CAST: variants seen among roughly 807,000 people sequenced by gnomAD.
The protein encoded by CAST is MIR583 host.
Under a neutral mutation model 119.6 loss-of-function variants are expected in CAST, and 76 were observed. The ratio of observed to expected loss-of-function variants is 0.64; its 90% CI spans 0.53 to 0.77. CAST has a LOEUF of 0.77. CAST is among the 30% of genes least tolerant of loss of function. The pLI, the probability that CAST is intolerant of heterozygous loss-of-function variation, is 0.00. For synonymous variants in CAST, 319 were observed against 331.6 expected (o/e 0.96, Z 0.41); for missense variants, 953 against 946.5 (o/e 1.01, Z -0.09).
At position 96,559,569 on chromosome 5, in the gene CAST, CAGAG is replaced by C. The variant is rs766934506; in HGVS notation, c.60+29692_60+29695del. 5.3e-5 allele frequency among the ~76,000 whole-genome samples: 8 copies of C among 152,236 alleles called. No homozygotes were observed. The East Asian group carries it at 9.7e-4, about 18-fold the overall frequency. ...AGCATTCTTATACACCAATAACAAA[CAGAG>C]AGCAAAATCATGAGTGAACTCCCAT... On this transcript the variant is annotated intron_variant, in intron 1 of 11. Coordinates refer to the CAST transcript ENST00000505143.
chr5:96,509,180 G>A, the CAST span, among the ~76,000 whole-genome samples: 1 of 152,180 alleles, frequency 6.6e-6, no homozygotes, highest in African/African-American at 2.4e-5. Flanking sequence ...TCGTGCAAAA[G>A]AGAAACAGCA....
the CAST span, among the ~76,000 whole-genome samples, chr5:96,058,076 G>A: frequency 2.0e-5 from 3 of 152,026 alleles, no homozygotes; most frequent in Non-Finnish European, 4.4e-5. Flanking sequence ...GTGTTGTAGA[G>A]GTATGTGTGT....
At chr5:96,322,657 A>C in the CAST span, among the ~76,000 whole-genome samples, 173 of 152,286 alleles carry the variant, frequency 1.1e-3, no homozygotes, top group Admixed American at 2.2e-3. Context: ...GGCCCAGAGG[A>C]GAACAAGGGG....
chr5:96,600,080 C>T (rs1482330390), intron 1 of CAST, among the ~76,000 whole-genome samples: 1 of 151,346 alleles, frequency 6.6e-6, no homozygotes, highest in Non-Finnish European at 1.5e-5. Flanking sequence ...GGGAAGTGTA[C>T]TGGTAGTGGT....
At chr5:96,130,295 C>T in the CAST span, among the ~76,000 whole-genome samples, 4,235 of 151,884 alleles carry the variant, frequency 0.028, 181 homozygotes, top group African/African-American at 0.096. Flanking sequence ...TACGGATATT[C>T]TACAAAATAC....
chr5:96,268,577 C>A, the CAST span, among the ~76,000 whole-genome samples: 1 of 152,184 alleles, frequency 6.6e-6, no homozygotes, highest in African/African-American at 2.4e-5. Context: ...GCCTGGGCAA[C>A]AGAGCAAGAT....
At chr5:96,397,329 C>A in the CAST span, 2 of 1,612,468 alleles carry the variant, frequency 1.2e-6, no homozygotes, top group Non-Finnish European at 1.7e-6. Flanking sequence ...CTCTCATTCA[C>A]ACTTACCATG....
chr5:96,035,803 A>C, the CAST span, among the ~76,000 whole-genome samples: 1 of 151,548 alleles, frequency 6.6e-6, no homozygotes, highest in East Asian at 1.9e-4. Context: ...AGCCGCTACC[A>C]GTCTGTGGAT....
the CAST span, among the ~76,000 whole-genome samples, chr5:96,122,075 T>C: frequency 1.3e-5 from 2 of 152,192 alleles, no homozygotes; most frequent in Non-Finnish European, 2.9e-5. Context: ...TTCTAATTAT[T>C]TAAGCTATTT....
chr5:96,394,824 A>C, the CAST span: 1 of 1,596,498 alleles, frequency 6.3e-7, no homozygotes, highest in Non-Finnish European at 8.6e-7. Context: ...TGTCTACCCC[A>C]GTTCAAAAGA....
intron 29 of CAST, chr5:96,768,513 A>G (rs1385455900): frequency 1.0e-5 from 4 of 400,392 alleles, no homozygotes; most frequent in South Asian, 1.9e-5. Context: ...TTTTTTTTCT[A>G]TATGTATATT....
chr5:96,021,431 A>G, the CAST span, among the ~76,000 whole-genome samples: 4 of 151,920 alleles, frequency 2.6e-5, no homozygotes, highest in East Asian at 7.7e-4. Flanking sequence ...TATTTATAAG[A>G]TCCTGTATTG....
chr5:96,626,691 A>G (rs1747730693), intron 1 of CAST, among the ~76,000 whole-genome samples: 1 of 152,080 alleles, frequency 6.6e-6, no homozygotes, highest in Non-Finnish European at 1.5e-5. Flanking sequence ...CATTCTTACC[A>G]TGTTACCATT....
At chr5:96,582,452 T>C (rs1042722766) in intron 1 of CAST, among the ~76,000 whole-genome samples, 6 of 152,218 alleles carry the variant, frequency 3.9e-5, no homozygotes, top group Non-Finnish European at 8.8e-5. Flanking sequence ...AAGTGACTAA[T>C]TTATGACTGG....
the CAST span, among the ~76,000 whole-genome samples, chr5:96,188,542 G>A: frequency 6.6e-6 from 1 of 151,912 alleles, no homozygotes; most frequent in Admixed American, 6.6e-5. Flanking sequence ...TGTGATAATT[G>A]TCTATCCCAT....
chr5:96,459,751 A>T, the CAST span, among the ~76,000 whole-genome samples: 1 of 152,214 alleles, frequency 6.6e-6, no homozygotes, highest in Non-Finnish European at 1.5e-5. Context: ...TGGACTGCTT[A>T]CTAATAGAAC....
In CAST at chr5:96,542,289, C is replaced by A. The variant is rs948907488; in HGVS notation, c.60+12409C>A. Among the ~76,000 whole-genome samples, 6 of 137,548 alleles carry A rather than the reference C, an allele frequency of 4.4e-5. 1 individual carries two copies. Among genetic ancestry groups the A allele is most frequent in the Middle Eastern group, 4.0e-3 (1 of 252 alleles). 90.2% of individuals were successfully genotyped at this position (137,548 alleles called of 152,430 possible). On this transcript the variant is annotated intron_variant, in intron 1 of 11. Coordinates refer to the CAST transcript ENST00000505143. Reference sequence around the variant, plus strand: ...TCGCGCCACTGCACTCCAGCCTGGGCGACAGCAAGACTTAGTCTCAAAAAA... The same window carrying A: ...TCGCGCCACTGCACTCCAGCCTGGGAGACAGCAAGACTTAGTCTCAAAAAA...
At chr5:96,239,237 T>C in the CAST span, among the ~76,000 whole-genome samples, 8 of 152,308 alleles carry the variant, frequency 5.3e-5, no homozygotes, top group South Asian at 1.7e-3. Flanking sequence ...ATATGTAATA[T>C]ACTTAAGTCA....
the CAST span, among the ~76,000 whole-genome samples, chr5:96,440,668 A>C: frequency 2.2e-4 from 33 of 152,162 alleles, no homozygotes; most frequent in Non-Finnish European, 3.4e-4. Context: ...TCAATCATTT[A>C]GGGTAGGGCC....
Sources: gnomAD v4.1 joint callset for allele counts (sites outside exome capture counted in the v4.1 genomes callset) on GRCh38, gnomAD v4.1.1 for gene constraint, MANE v1.5 for transcripts, NCBI Gene and HGNC (gene_info 2026-07-23, HGNC 2026-07-21) for gene names.